Variants in LCOR observed in about 807,000 individuals in gnomAD.
The protein encoded by LCOR is ligand-dependent corepressor.
A neutral mutation model predicts 64.4 loss-of-function variants in LCOR; 14 were observed. That is an observed-to-expected ratio of 0.22 (90% CI 0.14 to 0.34). The LOEUF is 0.34. LCOR is among the 10% of genes least tolerant of loss of function. The pLI, the probability that LCOR is intolerant of heterozygous loss-of-function variation, is 1.00. For missense variants in LCOR, 1,686 were observed against 1,765.3 expected (o/e 0.96, Z 0.80); for synonymous variants, 643 against 642.5 (o/e 1.00, Z -0.01).
At chr10:96,917,799 A>G (rs1846980760) in intron 4 of LCOR, among the ~76,000 whole-genome samples, 1 of 152,192 alleles carries the variant, frequency 6.6e-6, no homozygotes, top group African/African-American at 2.4e-5. Flanking sequence ...GTGATTACGT[A>G]AATATATAAA....
At chr10:96,934,340 C>T (rs2134494791) in intron 4 of LCOR, among the ~76,000 whole-genome samples, 1 of 152,250 alleles carries the variant, frequency 6.6e-6, no homozygotes, top group African/African-American at 2.4e-5. Context: ...AATTCTTCTA[C>T]TCTCATCCCT....
At chr10:96,904,554 A>G (rs951926987) in intron 2 of LCOR, among the ~76,000 whole-genome samples, 1 of 152,202 alleles carries the variant, frequency 6.6e-6, no homozygotes, top group Non-Finnish European at 1.5e-5. Context: ...ACTAGAGCTC[A>G]ACCTTGAGAC....
intron 7 of LCOR, among the ~76,000 whole-genome samples, chr10:96,967,708 T>C (rs961017894): frequency 1.3e-5 from 2 of 152,168 alleles, no homozygotes; most frequent in Admixed American, 6.5e-5. Context: ...AAACATTTTC[T>C]AAAGGAAAAA....
chr10:96,890,640 G>C (rs1294198139), intron 2 of LCOR, among the ~76,000 whole-genome samples: 1 of 151,982 alleles, frequency 6.6e-6, no homozygotes, highest in Non-Finnish European at 1.5e-5. Flanking sequence ...CCTTATTTTT[G>C]ATATTAGGGG....
intron 2 of LCOR, among the ~76,000 whole-genome samples, chr10:96,874,190 G>C (rs1046806807): frequency 1.8e-4 from 28 of 152,144 alleles, no homozygotes; most frequent in African/African-American, 6.5e-4. Flanking sequence ...ATGCTTGTAA[G>C]TTGTCTTGCA....
chr10:96,949,349 G>GA lies in LCOR; in HGVS notation c.238+55dup, dbSNP rs1351480986. 1.1e-5 allele frequency: 16 copies of GA among 1,498,906 alleles called. No individual in the cohort carries two copies. The African/African-American group carries it at 1.4e-4, about 13-fold the overall frequency. The allele number at this position is 1,498,906 out of a possible 1,614,324, so 92.9% of individuals were successfully genotyped here. A position where few individuals can be genotyped will look rare whatever the true frequency, so the allele number is the denominator to read the frequency against. Reference sequence around the variant, plus strand: ...TCTTATCAGAATACTTTACTTTGGGGAGAAAAAAAAAAGCATTGGCAAGTA... The same window carrying GA: ...TCTTATCAGAATACTTTACTTTGGGGAAGAAAAAAAAAAGCATTGGCAAGTA... On this transcript the variant is annotated intron_variant, in intron 6 of 7. Transcript: ENST00000421806.
At chr10:96,978,443 T>G (rs978577544) in intron 7 of LCOR, among the ~76,000 whole-genome samples, 5 of 152,256 alleles carry the variant, frequency 3.3e-5, no homozygotes, top group African/African-American at 1.2e-4. Context: ...TTTCTTTCCT[T>G]TGGTACATTT....
intron 4 of LCOR, among the ~76,000 whole-genome samples, chr10:96,928,867 TCTC>T (rs1196853427): frequency 1.3e-5 from 2 of 152,308 alleles, no homozygotes; most frequent in Admixed American, 6.5e-5. Flanking sequence ...ACAACATTAA[TCTC>T]CTTGTACATC....
chr10:96,875,033 C>T (rs1589623218), intron 2 of LCOR, among the ~76,000 whole-genome samples: 1 of 151,816 alleles, frequency 6.6e-6, no homozygotes, highest in Non-Finnish European at 1.5e-5. Flanking sequence ...TTTTCTGCAC[C>T]TCCACCCCCA....
At position 96,982,596 on chromosome 10, in the gene LCOR, G is replaced by A; in HGVS notation, c.2136G>A (p.Met712Ile). 1.2e-6 allele frequency: 2 copies of A among 1,614,102 alleles called. No homozygotes were observed. The highest frequency in any genetic ancestry group is 1.7e-6 in the Non-Finnish European group (2 of 1,180,018). Reference protein sequence around the residue: ...PQCSENQSSPMGLEPPMSLGK... With the variant: ...PQCSENQSSPIGLEPPMSLGK... ...GCTCAGAAAATCAGAGTTCCCCAAT[G>A]GGCTTGGAGCCCCCCATGAGTCTGG... Residue 712 changes from methionine (M) to isoleucine (I), a missense_variant, in exon 8 of 8, where the codon ATG becomes ATA. Physicochemically the swap from Met to Ile is conservative, Grantham distance 10. Coordinates refer to ENST00000421806, the MANE Select transcript of LCOR (RefSeq NM_001346516.2).
intron 2 of LCOR, among the ~76,000 whole-genome samples, chr10:96,889,121 C>G (rs1355664047): frequency 6.6e-6 from 1 of 152,192 alleles, no homozygotes; most frequent in African/African-American, 2.4e-5. Flanking sequence ...GATCACCTCC[C>G]AAAAGATAGA....
chr10:96,879,091 T>C (rs1388002277), intron 2 of LCOR, among the ~76,000 whole-genome samples: 2 of 152,174 alleles, frequency 1.3e-5, no homozygotes, highest in Non-Finnish European at 2.9e-5. Context: ...CCACCACGCC[T>C]GGCCTTTATT....
intron 2 of LCOR, among the ~76,000 whole-genome samples, chr10:96,847,449 T>C (rs1274340310): frequency 5.3e-5 from 8 of 152,092 alleles, no homozygotes; most frequent in Admixed American, 5.2e-4. Flanking sequence ...CTTATTTATT[T>C]ATTTTTTGAG....
At chr10:96,960,613 C>G (rs1331753971) in intron 7 of LCOR, 3 of 152,074 alleles carry the variant, frequency 2.0e-5, no homozygotes, top group Admixed American at 6.6e-5. Context: ...TTTTGGCCTT[C>G]TTGAAGATAT....
Position 96,989,313 on chromosome 10 carries a change from CTTTA to C in LCOR, c.*4183_*4186del, listed in dbSNP as rs1266400716. The C allele has an allele frequency of 6.6e-6, 1 of 152,004 alleles. No homozygotes were observed. The highest frequency in any genetic ancestry group is 1.5e-5 in the Non-Finnish European group (1 of 68,012). 9.4% of individuals were successfully genotyped at this position (152,004 alleles called of 1,614,324 possible). The stretch of plus-strand genomic sequence containing the variant: ...TTCACTCACACAGAACTGACTCTGG[CTTTA>C]TTTCTTGTTTATTAAAGTAAGCCAA... On this transcript the variant is annotated 3_prime_UTR_variant, in exon 8 of 8. Coordinates refer to ENST00000421806, the MANE Select transcript of LCOR (RefSeq NM_001346516.2).
chr10:96,898,901 G>C (rs898858284), intron 2 of LCOR, among the ~76,000 whole-genome samples: 2 of 152,240 alleles, frequency 1.3e-5, no homozygotes, highest in Middle Eastern at 6.8e-3. Context: ...TAAGATAAGA[G>C]ATAGTGAAAA....
intron 2 of LCOR, among the ~76,000 whole-genome samples, chr10:96,878,988 G>T (rs1256685430): frequency 1.3e-5 from 2 of 152,072 alleles, no homozygotes. Flanking sequence ...TAGAGACAGG[G>T]TCTTGCCATG....
intron 1 of LCOR, among the ~76,000 whole-genome samples, chr10:96,832,651 G>A (rs1480507712): frequency 1.3e-5 from 2 of 149,318 alleles, no homozygotes; most frequent in African/African-American, 2.5e-5. Context: ...CGGCGGGAGC[G>A]CGGGTTCCTC....
chr10:96,938,857 A>G (rs1564631740), intron 4 of LCOR, among the ~76,000 whole-genome samples: 1 of 152,228 alleles, frequency 6.6e-6, no homozygotes, highest in Non-Finnish European at 1.5e-5. Flanking sequence ...AAATTACAAA[A>G]TGTTACTGAA....
Sources: allele counts gnomAD v4.1 joint callset (sites outside exome capture counted in the v4.1 genomes callset), GRCh38; gene constraint gnomAD v4.1.1; transcripts MANE v1.5; gene names NCBI Gene and HGNC (gene_info 2026-07-23, HGNC 2026-07-21).